PDE4B: variants seen among roughly 807,000 people sequenced by gnomAD.
PDE4B encodes phosphodiesterase 4B.
A neutral mutation model predicts 82.2 loss-of-function variants in PDE4B; 20 were observed. That is an observed-to-expected ratio of 0.24 (90% CI 0.17 to 0.35). The LOEUF is 0.35. Ranked by LOEUF, PDE4B falls within the 10% of genes least tolerant of loss-of-function variation. PDE4B has a pLI of 1.00. For synonymous variants in PDE4B, 320 were observed against 318.9 expected, an observed-to-expected ratio of 1.00 and a Z score of -0.04; for missense variants, 655 against 907.2, an observed-to-expected ratio of 0.72 and a Z score of 3.57.
intron 7 of PDE4B, among the ~76,000 whole-genome samples, chr1:66,307,675 G>A (rs982644978): frequency 7.2e-5 from 11 of 152,160 alleles, no homozygotes; most frequent in African/African-American, 2.7e-4. Flanking sequence ...ATTTGTGGTA[G>A]ACCTAATCAA....
At chr1:66,325,096 T>C (rs1413043601) in intron 7 of PDE4B, among the ~76,000 whole-genome samples, 4 of 152,214 alleles carry the variant, frequency 2.6e-5, no homozygotes, top group Non-Finnish European at 4.4e-5. Flanking sequence ...TTTTACATTT[T>C]ATCAAGTACT....
chr1:65,819,659 C>T (rs552351176), intron 1 of PDE4B, among the ~76,000 whole-genome samples: 2 of 151,988 alleles, frequency 1.3e-5, no homozygotes, highest in African/African-American at 2.4e-5. Context: ...GCCACCGCGG[C>T]GGGCTATTTT....
At chr1:66,029,329 A>G (rs1159314081) in intron 3 of PDE4B, among the ~76,000 whole-genome samples, 2 of 152,116 alleles carry the variant, frequency 1.3e-5, no homozygotes, top group East Asian at 1.9e-4. Context: ...CCCACAACAC[A>G]TGGAAATTCT....
Position 66,228,962 on chromosome 1 carries a change from T to C in PDE4B, c.282-18498T>C, listed in dbSNP as rs1651698234. ...TTTCAGCTATTTTTAACCTATAAAATGGCAATTTCATAAGGTCTGACCTAA... is the reference window on the plus strand; with the variant it reads ...TTTCAGCTATTTTTAACCTATAAAACGGCAATTTCATAAGGTCTGACCTAA... On this transcript the variant is annotated intron_variant, in intron 3 of 16. Transcript: ENST00000341517. 2.6e-5 allele frequency among the ~76,000 whole-genome samples: 4 copies of C among 152,144 alleles called. No homozygotes were observed. In the East Asian group the frequency reaches 7.7e-4, roughly 29 times the overall value.
chr1:66,097,303 T>C (rs929988470), intron 3 of PDE4B, among the ~76,000 whole-genome samples: 1 of 152,116 alleles, frequency 6.6e-6, no homozygotes, highest in Non-Finnish European at 1.5e-5. Flanking sequence ...CAAGTGGATG[T>C]CTTTGGTATC....
At chr1:65,792,620 A>T (rs1156584672), upstream of PDE4B, 2 of 151,926 alleles carry the variant, frequency 1.3e-5, no homozygotes, top group East Asian at 2.0e-4. Context: ...ATATTGCAGG[A>T]GGTCTGTGAG....
At chr1:65,894,290 T>C (rs1031945607) in intron 1 of PDE4B, among the ~76,000 whole-genome samples, 10 of 152,090 alleles carry the variant, frequency 6.6e-5, no homozygotes, top group Non-Finnish European at 1.5e-4. Flanking sequence ...CTAAGTAACT[T>C]AAAGAGGAAA....
chr1:65,995,323 T>G (rs184952903), intron 3 of PDE4B, among the ~76,000 whole-genome samples: 56 of 152,344 alleles, frequency 3.7e-4, no homozygotes, highest in Non-Finnish European at 7.6e-4. Context: ...TTTTTCAAAT[T>G]TATTTTCATA....
At position 66,096,516 on chromosome 1, in the gene PDE4B, A is replaced by ATATATATATATG. The variant is rs1435275283; in HGVS notation, c.282-150933_282-150932insGTATATATATAT. Reference sequence around the variant, plus strand: ...GGTATAAGTAAAAAAAATTATATATATATATATATATATATATATATATAT... The same window carrying ATATATATATATG: ...GGTATAAGTAAAAAAAATTATATATATATATATATATGTATATATATATATATATATATATAT... On this transcript the variant is annotated intron_variant, in intron 3 of 16. Transcript: ENST00000341517. 1.8e-3 allele frequency among the ~76,000 whole-genome samples: 243 copies of ATATATATATATG among 136,986 alleles called. 8 individuals carry two copies. The highest frequency in any genetic ancestry group is 2.3e-3 in the Admixed American group (32 of 13,806). The allele number at this position is 136,986 out of a possible 152,430, so 89.9% of individuals were successfully genotyped here.
chr1:66,248,801 A>G (rs1001267065), intron 4 of PDE4B, among the ~76,000 whole-genome samples: 1 of 152,234 alleles, frequency 6.6e-6, no homozygotes, highest in African/African-American at 2.4e-5. Context: ...ACATACAAAC[A>G]TAACAGAGTG....
chr1:65,924,679 G>A (rs1557435959), intron 3 of PDE4B, among the ~76,000 whole-genome samples: 1 of 152,182 alleles, frequency 6.6e-6, no homozygotes, highest in African/African-American at 2.4e-5. Flanking sequence ...GGCCAGTACT[G>A]TAGTCATGCA....
At chr1:65,898,193 G>C (rs556815632) in intron 1 of PDE4B, among the ~76,000 whole-genome samples, 1 of 151,510 alleles carries the variant, frequency 6.6e-6, no homozygotes, top group South Asian at 2.1e-4. Context: ...TTTTTTGCTT[G>C]TTGAATTGTT....
chr1:66,247,657 A>G lies in PDE4B; in HGVS notation c.476+3A>G. The G allele has an allele frequency of 6.3e-7, 1 of 1,577,374 alleles. No homozygotes were observed. The highest frequency in any genetic ancestry group is 8.6e-7 in the Non-Finnish European group (1 of 1,160,218). ...AACTCTTCTCTTCCAAGCGAGCAGT[A>G]AGTACAAGCTCTGTCTGGCTTCCAG... On this transcript the variant is annotated splice_donor_region_variant and intron_variant, in intron 4 of 16. Transcript: ENST00000341517.
At chr1:66,309,251 G>C (rs1334709390) in intron 7 of PDE4B, among the ~76,000 whole-genome samples, 1 of 152,158 alleles carries the variant, frequency 6.6e-6, no homozygotes, top group Non-Finnish European at 1.5e-5. Context: ...TACACTTTAA[G>C]ACACAAGACG....
chr1:66,010,966 G>A (rs192976158), intron 3 of PDE4B, among the ~76,000 whole-genome samples: 81 of 151,242 alleles, frequency 5.4e-4, no homozygotes, highest in Admixed American at 2.3e-3. Flanking sequence ...GAAAAATTGT[G>A]GAGGAATAAG....
At chr1:65,987,910 G>T (rs1048081620) in intron 3 of PDE4B, among the ~76,000 whole-genome samples, 1 of 152,150 alleles carries the variant, frequency 6.6e-6, no homozygotes, top group Non-Finnish European at 1.5e-5. Context: ...AACTGTACCC[G>T]GACTTGCGTC....
At chr1:65,910,270 G>A (rs1028096623) in intron 1 of PDE4B, among the ~76,000 whole-genome samples, 2 of 152,198 alleles carry the variant, frequency 1.3e-5, no homozygotes, top group Admixed American at 6.5e-5. Flanking sequence ...TCATCTGTGA[G>A]TGAGGACACA....
intron 7 of PDE4B, among the ~76,000 whole-genome samples, chr1:66,300,003 C>A (rs1657772789): frequency 2.0e-5 from 3 of 151,708 alleles, no homozygotes; most frequent in Non-Finnish European, 4.4e-5. Flanking sequence ...ATATTAAAAC[C>A]AAACAAAATG....
At chr1:66,056,770 G>C (rs1018084877) in intron 3 of PDE4B, among the ~76,000 whole-genome samples, 1 of 152,130 alleles carries the variant, frequency 6.6e-6, no homozygotes, top group Non-Finnish European at 1.5e-5. Context: ...GTGATCATGA[G>C]TCAAGAAATG....
Sources: gnomAD v4.1 joint callset for allele counts (sites outside exome capture counted in the v4.1 genomes callset) on GRCh38, gnomAD v4.1.1 for gene constraint, MANE v1.5 for transcripts, NCBI Gene and HGNC (gene_info 2026-07-23, HGNC 2026-07-21) for gene names.